Variants in USP6NL observed in about 807,000 individuals in gnomAD.
The protein encoded by USP6NL is USP6 N-terminal-like protein.
In USP6NL, 26 loss-of-function variants were observed where a neutral mutation model predicts 61.9. The ratio of observed to expected loss-of-function variants is 0.42; its 90% confidence interval spans 0.31 to 0.58. The LOEUF is 0.58. Ranked by LOEUF, USP6NL falls within the 20% of genes least tolerant of loss-of-function variation. The pLI is 0.16. For synonymous variants in USP6NL, 432 were observed against 390.1 expected (o/e 1.11, Z -1.27); for missense variants, 1,114 against 1,034.3 (o/e 1.08, Z -1.06).
intron 5 of USP6NL, among the ~76,000 whole-genome samples, chr10:11,514,169 C>T (rs1834852929): frequency 2.0e-5 from 3 of 151,422 alleles, no homozygotes; most frequent in Non-Finnish European, 4.4e-5. Context: ...AGACAGGGCG[C>T]ATATCATGTT....
At chr10:11,577,475 T>A (rs988967602) in intron 2 of USP6NL, among the ~76,000 whole-genome samples, 1 of 152,082 alleles carries the variant, frequency 6.6e-6, no homozygotes, top group Non-Finnish European at 1.5e-5. Flanking sequence ...GCAACTAACT[T>A]CTGTATATTA....
At chr10:11,606,175 A>C (rs954864312) in intron 1 of USP6NL, among the ~76,000 whole-genome samples, 10 of 152,254 alleles carry the variant, frequency 6.6e-5, no homozygotes, top group East Asian at 1.9e-4. Flanking sequence ...AATAAACTGC[A>C]GCTGACTTCT....
chr10:11,488,994 T>C (rs1833595910), intron 10 of USP6NL, 108 bp downstream of exon 10: 2 of 1,456,886 alleles, frequency 1.4e-6, no homozygotes, highest in Admixed American at 2.1e-5. Flanking sequence ...CAACGAGCCC[T>C]GAGACATTAA....
At chr10:11,529,803 T>C (rs564299387) in intron 2 of USP6NL, among the ~76,000 whole-genome samples, 1 of 152,228 alleles carries the variant, frequency 6.6e-6, no homozygotes, top group Non-Finnish European at 1.5e-5. Context: ...TACCAAAGCA[T>C]AGGGAAAGCA....
intron 8 of USP6NL, among the ~76,000 whole-genome samples, chr10:11,492,221 T>C (rs1052656923): frequency 1.3e-5 from 2 of 152,150 alleles, no homozygotes; most frequent in Non-Finnish European, 2.9e-5. Context: ...TACTTGGAAA[T>C]TGTTTAAGGT....
intron 2 of USP6NL, among the ~76,000 whole-genome samples, chr10:11,593,295 A>C (rs567457040): frequency 7.4e-4 from 113 of 152,326 alleles, no homozygotes; most frequent in African/African-American, 2.7e-3. Flanking sequence ...GCTTTGGAAA[A>C]AGAAATTAAG....
At chr10:11,565,423 C>G (rs918425437) in intron 2 of USP6NL, 1 of 152,106 alleles carries the variant, frequency 6.6e-6, no homozygotes, top group Admixed American at 6.6e-5. Flanking sequence ...GGGTGGATCA[C>G]GAGGTCAGGA....
At chr10:11,493,307 A>C in intron 7 of USP6NL, 79 bp from the exon 8 acceptor site, 3 of 1,276,416 alleles carry the variant, frequency 2.4e-6, no homozygotes, top group Non-Finnish European at 3.2e-6. Flanking sequence ...AATAATTCTC[A>C]TTAAAAAGTT....
At chr10:11,523,657 G>A (rs1228195209) in intron 4 of USP6NL, among the ~76,000 whole-genome samples, 1 of 152,004 alleles carries the variant, frequency 6.6e-6, no homozygotes, top group Non-Finnish European at 1.5e-5. Flanking sequence ...TTGTTTCTAG[G>A]GCCCCGCTCA....
At position 11,575,100 on chromosome 10, in the gene USP6NL, T is replaced by C. The variant is rs1364042474; in HGVS notation, c.4+22531A>G. On this transcript the variant is annotated intron_variant, in intron 2 of 14. Transcript: ENST00000609104. This position sits in a 1 kb window ranked among gnomAD's most constrained non-coding sequence, Gnocchi z 4.2. ...AGAGGACCACTCTCCTAATTCCCTA[T>C]TATCTTTAAAGAATATGTTCGTACT... Among the ~76,000 whole-genome samples, 2 of 152,190 alleles carry C rather than the reference T, an allele frequency of 1.3e-5. No individual in the cohort carries two copies. Among genetic ancestry groups the C allele is most frequent in the Non-Finnish European group, 2.9e-5 (2 of 68,038 alleles).
At chr10:11,571,737 T>C (rs1837370097) in intron 2 of USP6NL, among the ~76,000 whole-genome samples, 1 of 151,374 alleles carries the variant, frequency 6.6e-6, no homozygotes, top group Admixed American at 6.6e-5. Flanking sequence ...ATATGAAAAA[T>C]TGGTAAGATG....
intron 14 of USP6NL, among the ~76,000 whole-genome samples, chr10:11,471,277 T>TTG (rs893306541): frequency 2.2e-4 from 33 of 152,062 alleles, no homozygotes; most frequent in African/African-American, 7.7e-4. Context: ...CACTATGAGA[T>TTG]ACCATCTCAC....
intron 2 of USP6NL, among the ~76,000 whole-genome samples, chr10:11,558,726 A>G (rs534132572): frequency 6.6e-6 from 1 of 152,358 alleles, no homozygotes; most frequent in South Asian, 2.1e-4. Context: ...TCCTAATGAA[A>G]TTTAAAGTAA....
chr10:11,500,027 T>G (rs952446556), intron 7 of USP6NL, among the ~76,000 whole-genome samples: 1 of 152,164 alleles, frequency 6.6e-6, no homozygotes, highest in Non-Finnish European at 1.5e-5. Flanking sequence ...AGGACATGGA[T>G]GGAGTTGGAA....
intron 7 of USP6NL, among the ~76,000 whole-genome samples, chr10:11,494,917 T>A (rs1050577472): frequency 6.6e-6 from 1 of 152,092 alleles, no homozygotes; most frequent in Non-Finnish European, 1.5e-5. Flanking sequence ...GGCCTCCGGA[T>A]AACTGCAGGC....
rs1323813652 is a variant in USP6NL, at chr10:11,600,634, C to G, written c.-83-2917G>C. Among the ~76,000 whole-genome samples the G allele has an allele frequency of 6.6e-6, 1 of 152,024 alleles. No individual in the cohort carries two copies. Among genetic ancestry groups the G allele is most frequent in the Non-Finnish European group, 1.5e-5 (1 of 68,004 alleles). ...CTAGCCATATTTCATAAGAAATACA[C>G]CTAAATCAGCAAAACACATAAAGGT... On this transcript the variant is annotated intron_variant, in intron 1 of 14. Coordinates refer to ENST00000609104, the MANE Select transcript of USP6NL (RefSeq NM_014688.5). This position sits in a 1 kb window ranked among gnomAD's most constrained non-coding sequence, Gnocchi z 4.1.
chr10:11,533,743 T>G (rs12570422), intron 2 of USP6NL, among the ~76,000 whole-genome samples: 16,148 of 152,166 alleles, frequency 0.11, 1,370 homozygotes, highest in East Asian at 0.45. Context: ...TCTGTGTTGT[T>G]TAAGCCACCA....
chr10:11,484,835 T>C, intron 13 of USP6NL, 136 bp downstream of exon 13: 1 of 616,696 alleles, frequency 1.6e-6, no homozygotes, highest in East Asian at 3.0e-5. Flanking sequence ...TTGATGATAA[T>C]TTCTCCACTG....
chr10:11,605,618 T>G (rs1490018659), intron 1 of USP6NL, among the ~76,000 whole-genome samples: 1 of 152,124 alleles, frequency 6.6e-6, no homozygotes, highest in Non-Finnish European at 1.5e-5. Context: ...ATGCAAAATC[T>G]AAAACTTTTG....
Sources: gnomAD v4.1 joint callset for allele counts (sites outside exome capture counted in the v4.1 genomes callset) on GRCh38, gnomAD v4.1.1 for gene constraint, Gnocchi (gnomAD v3.1) non-coding constraint, MANE v1.5 for transcripts, NCBI Gene and HGNC (gene_info 2026-07-23, HGNC 2026-07-21) for gene names.